Variants in HDHD2 observed in about 807,000 individuals in gnomAD.
The protein encoded by HDHD2 is haloacid dehalogenase like hydrolase domain containing 2.
Under a neutral mutation model 24.8 loss-of-function variants are expected in HDHD2, and 26 were observed. That is an observed-to-expected ratio of 1.05 (90% confidence interval 0.77 to 1.45). The LOEUF (loss-of-function observed/expected upper bound fraction) is 1.45. Ranked by LOEUF, HDHD2 falls within the 40% of genes most tolerant of loss-of-function variation. The pLI, the probability that HDHD2 is intolerant of heterozygous loss-of-function variation, is 0.00. For missense variants in HDHD2, 299 were observed against 313.4 expected (o/e 0.95, Z 0.35); for synonymous variants, 128 against 114.9 (o/e 1.11, Z -0.73).
At chr18:47,148,411 TTTATC>T (rs1452570505) in intron 1 of HDHD2, among the ~76,000 whole-genome samples, 1 of 152,182 alleles carries the variant, frequency 6.6e-6, no homozygotes, top group African/African-American at 2.4e-5. Flanking sequence ...CCTGATTTTG[TTTATC>T]TTGAGTCCAT....
intron 1 of HDHD2, among the ~76,000 whole-genome samples, chr18:47,139,326 C>T (rs2063797890): frequency 2.0e-5 from 3 of 150,628 alleles, no homozygotes; most frequent in Admixed American, 6.6e-5. Flanking sequence ...ATTAGCTGGG[C>T]GTGGTGGCGG....
intron 4 of HDHD2, among the ~76,000 whole-genome samples, chr18:47,129,723 T>C (rs1312717743): frequency 6.6e-6 from 1 of 152,210 alleles, no homozygotes; most frequent in African/African-American, 2.4e-5. Context: ...GCCTGGATAC[T>C]GTTTTCCTTT....
At chr18:47,137,022 C>G in intron 1 of HDHD2, 1 of 680,448 alleles carries the variant, frequency 1.5e-6, no homozygotes, top group Non-Finnish European at 2.8e-6. Flanking sequence ...GTCACCATGG[C>G]CAACAAAAAG....
Position 47,115,367 on chromosome 18 carries a change from A to C in HDHD2, c.396-19T>G, listed in dbSNP as rs1260024110. On this transcript the variant is annotated intron_variant, in intron 4 of 6. Coordinates refer to ENST00000300605, the MANE Select transcript of HDHD2 (RefSeq NM_032124.5). ...GAGTAACCTAGAGAGAACAACAACA[A>C]AAAAAACAAATTGGCTAAAAGCAAG... The C allele has an allele frequency of 5.0e-6, 8 of 1,587,526 alleles. No individual in the cohort carries two copies. Among genetic ancestry groups the C allele is most frequent in the Middle Eastern group, 1.7e-4 (1 of 5,970 alleles).
chr18:47,124,721 A>C (rs931096908), intron 4 of HDHD2, among the ~76,000 whole-genome samples: 6 of 151,306 alleles, frequency 4.0e-5, no homozygotes, highest in South Asian at 4.2e-4. Flanking sequence ...AAAAAAAAAA[A>C]AAAAAAACAA....
intron 4 of HDHD2, among the ~76,000 whole-genome samples, chr18:47,122,172 A>G (rs1240894884): frequency 2.6e-5 from 4 of 152,222 alleles, no homozygotes; most frequent in Non-Finnish European, 4.4e-5. Flanking sequence ...AAATTAAATC[A>G]TGGATGAACC....
chr18:47,129,467 C>T (rs376433961), intron 4 of HDHD2, among the ~76,000 whole-genome samples: 45 of 152,076 alleles, frequency 3.0e-4, no homozygotes, highest in Middle Eastern at 6.3e-3. Flanking sequence ...CTCTTACTTG[C>T]TCAGATTAGA....
rs761090536 is a variant in HDHD2, at chr18:47,130,266, G to C, written c.373C>G (p.Gln125Glu). The C allele has an allele frequency of 1.2e-6, 2 of 1,602,702 alleles. No homozygotes were observed. Among genetic ancestry groups the C allele is most frequent in the South Asian group, 2.2e-5 (2 of 90,336 alleles). Residue 125 changes from glutamine to glutamate, a missense_variant, in exon 4 of 7, where the codon CAA (glutamine) becomes GAA (glutamate). Coordinates refer to ENST00000300605, the MANE Select transcript of HDHD2 (RefSeq NM_032124.5). ...MGLAPEHFHY[Q>E]ILNQAFRLLL... ...TACCGGAATGCTTGATTCAGAATTT[G>C]ATAATGAAAATGTTCTGGTGCCAAT...
chr18:47,111,274 A>T (rs1471176503), intron 6 of HDHD2: 3 of 985,072 alleles, frequency 3.0e-6, no homozygotes, highest in Non-Finnish European at 3.6e-6. Context: ...TAGACGACAG[A>T]GCCAGTGGAG....
intron 1 of HDHD2, chr18:47,136,994 G>A (rs754308065): frequency 3.2e-6 from 2 of 615,598 alleles, no homozygotes; most frequent in Non-Finnish European, 6.1e-6. Context: ...TGAAGTGGCA[G>A]CTGAGGAGAC....
At chr18:47,150,132 C>G (rs1223703622) in intron 1 of HDHD2, 1 of 151,666 alleles carries the variant, frequency 6.6e-6, no homozygotes, top group Non-Finnish European at 1.5e-5. Context: ...ACTAGCTTCA[C>G]GATCCGCCCC....
At chr18:47,137,987 G>A (rs72907225) in intron 1 of HDHD2, among the ~76,000 whole-genome samples, 1,823 of 151,524 alleles carry the variant, frequency 0.012, 21 homozygotes, top group Non-Finnish European at 0.019. Context: ...GTAAAACCGC[G>A]TCTCTGCATC....
chr18:47,132,245 C>T (rs2063720338), intron 3 of HDHD2, among the ~76,000 whole-genome samples: 1 of 152,138 alleles, frequency 6.6e-6, no homozygotes, highest in African/African-American at 2.4e-5. Context: ...CTATGCAGAG[C>T]ACTCTTTATC....
intron 4 of HDHD2, 87 bp from the exon 5 acceptor site, chr18:47,115,435 G>T: frequency 1.2e-6 from 1 of 842,952 alleles, no homozygotes; most frequent in Non-Finnish European, 1.9e-6. Context: ...CAAAGTGGCT[G>T]TATTCACACC....
At chr18:47,122,878 T>C (rs1003870457) in intron 4 of HDHD2, among the ~76,000 whole-genome samples, 4 of 152,012 alleles carry the variant, frequency 2.6e-5, no homozygotes, top group African/African-American at 9.7e-5. Flanking sequence ...TTTCTAGTTA[T>C]AATCAGAATT....
chr18:47,139,030 G>A (rs2063794738), intron 1 of HDHD2, among the ~76,000 whole-genome samples: 1 of 152,200 alleles, frequency 6.6e-6, no homozygotes, highest in Admixed American at 6.5e-5. Context: ...TGATAGGAGG[G>A]TGAACAAGAA....
At chr18:47,149,466 CCG>C (rs1159744210) in intron 1 of HDHD2, among the ~76,000 whole-genome samples, 3 of 152,112 alleles carry the variant, frequency 2.0e-5, no homozygotes, top group African/African-American at 7.2e-5. Flanking sequence ...CAGTGACTCC[CCG>C]CTGACCTCTG....
chr18:47,134,316 T>C (rs1277776868), intron 3 of HDHD2, 180 bp downstream of exon 3: 4 of 605,760 alleles, frequency 6.6e-6, no homozygotes, highest in African/African-American at 1.9e-5. Flanking sequence ...TTTCACTTAC[T>C]GTGGATTACA....
intron 4 of HDHD2, among the ~76,000 whole-genome samples, chr18:47,126,459 T>C (rs953203623): frequency 1.3e-5 from 2 of 152,060 alleles, no homozygotes; most frequent in African/African-American, 4.8e-5. Flanking sequence ...AGACTTCTTA[T>C]AGTGGTAAGA....
Sources: allele counts gnomAD v4.1 joint callset (sites outside exome capture counted in the v4.1 genomes callset), GRCh38; gene constraint gnomAD v4.1.1; transcripts MANE v1.5; gene names NCBI Gene and HGNC (gene_info 2026-07-23, HGNC 2026-07-21).